Variants in NUDT21 observed in about 807,000 individuals in gnomAD.
NUDT21 encodes cleavage and polyadenylation specificity factor subunit 5.
A neutral mutation model predicts 29.8 loss-of-function variants in NUDT21; 5 were observed. The ratio of observed to expected loss-of-function variants is 0.17; its 90% CI spans 0.09 to 0.35. The LOEUF (loss-of-function observed/expected upper bound fraction) is 0.35. Among genes scored for constraint, NUDT21 ranks in the 10% least tolerant of loss-of-function variants. The pLI is 1.00. For missense variants in NUDT21, 76 were observed against 276.0 expected, an observed-to-expected ratio of 0.28 and a Z score of 5.13; for synonymous variants, 113 against 98.5, an observed-to-expected ratio of 1.15 and a Z score of -0.87.
intron 3 of NUDT21, among the ~76,000 whole-genome samples, chr16:56,445,892 C>T (rs573309302): frequency 6.6e-6 from 1 of 152,164 alleles, no homozygotes; most frequent in East Asian, 1.9e-4. Context: ...TTTAGAAATA[C>T]TAGAAAGACA....
rs754405164 is a variant in NUDT21 at position 56,430,334 on chromosome 16, A to C, written c.*2378T>G. 6.6e-6 allele frequency: 1 copy of C among 152,192 alleles called. No individual in the cohort carries two copies. Among genetic ancestry groups the C allele is most frequent in the Non-Finnish European group, 1.5e-5 (1 of 68,022 alleles). 9.4% of individuals were successfully genotyped at this position (152,192 alleles called of 1,614,324 possible). A position where few individuals can be genotyped will look rare whatever the true frequency, so the allele number is the denominator to read the frequency against. Reference sequence around the variant, plus strand: ...ATAAACCTTTATAGTTTTTCCCCCTAATCTACTAAACATATTCCAGTGTCA... The same window carrying C: ...ATAAACCTTTATAGTTTTTCCCCCTCATCTACTAAACATATTCCAGTGTCA... On this transcript the variant is annotated 3_prime_UTR_variant, in exon 7 of 7. Coordinates refer to ENST00000300291, the MANE Select transcript of NUDT21 (RefSeq NM_007006.3).
rs1321042320 is a variant in NUDT21 at position 56,451,331 on chromosome 16, A to T, written c.-129T>A. 5 of 799,290 alleles carry T rather than the reference A, an allele frequency of 6.3e-6. No individual in the cohort carries two copies. The highest frequency in any genetic ancestry group is 1.7e-5 in the African/African-American group (1 of 57,942). 49.5% of individuals were successfully genotyped at this position (799,290 alleles called of 1,614,324 possible). A position where few individuals can be genotyped will look rare whatever the true frequency, so the allele number is the denominator to read the frequency against. On this transcript the variant is annotated 5_prime_UTR_variant, in exon 1 of 7. Transcript: ENST00000300291. ...GCCATTAACAGGACAGCGCAAGAGG[A>T]GGCGTAGGCACGCCGGAAGTGAACC...
chr16:56,441,508 C>G (rs1352903118), intron 3 of NUDT21, among the ~76,000 whole-genome samples: 1 of 152,214 alleles, frequency 6.6e-6, no homozygotes, highest in East Asian at 1.9e-4. Flanking sequence ...GCTGGGATTA[C>G]TGGCGTGAGC....
At chr16:56,447,722 T>C in intron 2 of NUDT21, 67 bp downstream of exon 2, 1 of 1,418,096 alleles carries the variant, frequency 7.1e-7, no homozygotes. Context: ...TAAAATTGTA[T>C]TCCAGAGCTG....
intron 2 of NUDT21, 132 bp downstream of exon 2, chr16:56,447,657 C>A: frequency 1.4e-6 from 1 of 729,952 alleles, no homozygotes; most frequent in Admixed American, 2.7e-5. Context: ...TCATGATTTT[C>A]TCTTTCTAAA....
At chr16:56,446,474 TA>T (rs144601877) in intron 3 of NUDT21, 151 bp downstream of exon 3, 387 of 516,022 alleles carry the variant, frequency 7.5e-4, no homozygotes, top group African/African-American at 3.3e-3. Context: ...CTTCAACTTG[TA>T]AAAAAAAATC....
Position 56,433,424 on chromosome 16 carries a change from A to G in NUDT21, c.663-691T>C, listed in dbSNP as rs532172818. On this transcript the variant is annotated intron_variant, in intron 6 of 6. Transcript: ENST00000300291. ...CCAGCAAGTACTGAGGTTGGGCTTC[A>G]AATCCAAAACACTGACTGCAGAATC... Among the ~76,000 whole-genome samples the G allele has an allele frequency of 4.6e-5, 7 of 152,348 alleles. No individual in the cohort carries two copies. The South Asian group carries it at 1.5e-3, about 32-fold the overall frequency.
chr16:56,433,832 G>A (rs114168948), intron 6 of NUDT21, among the ~76,000 whole-genome samples: 1,545 of 152,046 alleles, frequency 0.01, 22 homozygotes, highest in African/African-American at 0.035. Flanking sequence ...GATTAAAAGC[G>A]CTGGCCACCA....
intron 4 of NUDT21, 94 bp downstream of exon 4, chr16:56,439,563 C>A: frequency 1.2e-6 from 1 of 849,434 alleles, no homozygotes; most frequent in Non-Finnish European, 2.0e-6. Context: ...AAGAAAATTT[C>A]AAGTCAAATT....
intron 4 of NUDT21, 100 bp from the exon 5 acceptor site, chr16:56,434,929 C>G (rs1403325407): frequency 1.4e-6 from 1 of 713,262 alleles, no homozygotes; most frequent in African/African-American, 1.8e-5. Flanking sequence ...GAGAAGCATA[C>G]TACTTTCTGT....
intron 2 of NUDT21, 37 bp from the exon 3 acceptor site, chr16:56,446,726 T>C (rs781120592): frequency 1.1e-5 from 14 of 1,298,054 alleles, no homozygotes; most frequent in Non-Finnish European, 1.4e-5. Context: ...TTCAACTTAA[T>C]ACAATTTGGA....
In NUDT21 at chr16:56,430,906, G is replaced by A. The variant is rs1962026924; in HGVS notation, c.*1806C>T. On this transcript the variant is annotated 3_prime_UTR_variant, in exon 7 of 7. Transcript: ENST00000300291. ...AAGAAGTGAAGAAGTGAGAAGTGAAGAATTTCTTGGTCAAAGTTTAAGTTA... is the reference window on the plus strand; with the variant it reads ...AAGAAGTGAAGAAGTGAGAAGTGAAAAATTTCTTGGTCAAAGTTTAAGTTA... The A allele has an allele frequency of 6.6e-6, 1 of 152,222 alleles. No homozygotes were observed. The highest frequency in any genetic ancestry group is 2.1e-4 in the South Asian group (1 of 4,836). 9.4% of individuals were successfully genotyped at this position (152,222 alleles called of 1,614,324 possible).
At chr16:56,439,879 TATG>T in intron 3 of NUDT21, 133 bp from the exon 4 acceptor site, 1 of 717,360 alleles carries the variant, frequency 1.4e-6, no homozygotes, top group Non-Finnish European at 2.5e-6. Context: ...ACAGATTTTC[TATG>T]ATTTGTTAAT....
chr16:56,446,278 T>G (rs1962220188), intron 3 of NUDT21, among the ~76,000 whole-genome samples: 1 of 152,216 alleles, frequency 6.6e-6, no homozygotes, highest in African/African-American at 2.4e-5. Context: ...TACAACACAC[T>G]AGCTATATAA....
Position 56,434,840 on chromosome 16 carries a change from A to G in NUDT21, c.472-11T>C, listed in dbSNP as rs1567537672. The G allele has an allele frequency of 6.9e-7, 1 of 1,444,028 alleles. No homozygotes were observed. Among genetic ancestry groups the G allele is most frequent in the Non-Finnish European group, 9.7e-7 (1 of 1,029,602 alleles). The allele number at this position is 1,444,028 out of a possible 1,614,324, so 89.5% of individuals were successfully genotyped here. On this transcript the variant is annotated splice_polypyrimidine_tract_variant and intron_variant, in intron 4 of 6. Transcript: ENST00000300291. The stretch of plus-strand genomic sequence containing the variant: ...AGGAATATATGGATACTGAAATTAC[A>G]AATGAATACAACTTTAATATGTATT...
At position 56,451,270 on chromosome 16, in the gene NUDT21, A is replaced by G. The variant is rs1480333533; in HGVS notation, c.-68T>C. ...CAGGGTAGACTTTCCCCGTGCGGGA[A>G]GCGGTTATCTGCAATCCCCTCAGCG... On this transcript the variant is annotated 5_prime_UTR_variant, in exon 1 of 7. Coordinates refer to ENST00000300291, the MANE Select transcript of NUDT21 (RefSeq NM_007006.3). The G allele has an allele frequency of 1.6e-6, 2 of 1,238,454 alleles. No individual in the cohort carries two copies. The highest frequency in any genetic ancestry group is 2.3e-6 in the Non-Finnish European group (2 of 876,790). 76.7% of individuals were successfully genotyped at this position (1,238,454 alleles called of 1,614,324 possible).
intron 1 of NUDT21, among the ~76,000 whole-genome samples, chr16:56,449,890 A>T (rs1320787117): frequency 6.6e-6 from 1 of 152,198 alleles, no homozygotes; most frequent in Non-Finnish European, 1.5e-5. Flanking sequence ...CTGGGAGTAC[A>T]GTCGTGAGCC....
At chr16:56,434,541 A>G in intron 5 of NUDT21, 96 bp from the exon 6 acceptor site, 1 of 837,412 alleles carries the variant, frequency 1.2e-6, no homozygotes. Context: ...TAAAAAGTGT[A>G]AGAAAAAAGA....
chr16:56,447,724 C>T, intron 2 of NUDT21, 65 bp downstream of exon 2: 1 of 1,429,110 alleles, frequency 7.0e-7, no homozygotes, highest in Non-Finnish European at 9.9e-7. Context: ...AAATTGTATT[C>T]CAGAGCTGCA....
Sources: gnomAD v4.1 joint callset for allele counts (sites outside exome capture counted in the v4.1 genomes callset) on GRCh38, gnomAD v4.1.1 for gene constraint, MANE v1.5 for transcripts, NCBI Gene and HGNC (gene_info 2026-07-23, HGNC 2026-07-21) for gene names.